PCSK4: variants seen among roughly 807,000 people sequenced by gnomAD.
The protein encoded by PCSK4 is proprotein convertase subtilisin/kexin type 4, also known as testicular tissue protein Li 135.
A neutral mutation model predicts 80.3 loss-of-function variants in PCSK4; 64 were observed. The ratio of observed to expected loss-of-function variants is 0.80; its 90% CI spans 0.65 to 0.98. PCSK4 has a LOEUF of 0.98. Among genes scored for constraint, PCSK4 ranks in the 50% least tolerant of loss-of-function variants. PCSK4 has a pLI of 0.00. For synonymous variants in PCSK4, 561 were observed against 487.6 expected, an observed-to-expected ratio of 1.15 and a Z score of -1.98; for missense variants, 1,213 against 1,093.6, an observed-to-expected ratio of 1.11 and a Z score of -1.54.
chr19:1,481,690 G>T, exon 15 of PCSK4: 1 of 1,132,442 alleles, frequency 8.8e-7, no homozygotes, highest in East Asian at 2.6e-5. Context: ...CCAGCCTGGG[G>T]AGGCAGCATG....
In PCSK4 at chr19:1,483,886, C is replaced by T. The variant is rs753079080; in HGVS notation, c.1225G>A (p.Ala409Thr). 53 of 1,493,166 alleles carry T rather than the reference C, an allele frequency of 3.5e-5. No individual in the cohort carries two copies. The African/African-American group carries it at 5.9e-4, about 16-fold the overall frequency. The allele number at this position is 1,493,166 out of a possible 1,614,324, so 92.5% of individuals were successfully genotyped here. ...CTCCAGTCCTCGGCCTGCAGGTGCGCCGGCTTGGACGCGCGGACCACCAGG... is the reference window on the plus strand; with the variant it reads ...CTCCAGTCCTCGGCCTGCAGGTGCGTCGGCTTGGACGCGCGGACCACCAGG... The change falls in exon 10 of 15, where the codon GCG becomes ACG. Residue 409 changes from alanine to threonine, a missense_variant. Coordinates refer to ENST00000300954, the Ensembl canonical transcript of PCSK4.
intron 11 of PCSK4, 57 bp downstream of exon 11, chr19:1,483,593 C>G (rs1340075765): frequency 4.8e-6 from 7 of 1,469,870 alleles, no homozygotes; most frequent in Non-Finnish European, 6.4e-6. Flanking sequence ...ACTGAGGCCT[C>G]AGGCCTGTCC....
chr19:1,484,458 A>G (rs1274831255), intron 8 of PCSK4, among the ~76,000 whole-genome samples: 2 of 151,240 alleles, frequency 1.3e-5, no homozygotes, highest in Non-Finnish European at 2.9e-5. Flanking sequence ...ACGCCACTGC[A>G]CTCCAGCCTG....
At chr19:1,487,474 G>T in intron 6 of PCSK4, 129 bp downstream of exon 6, 1 of 1,008,548 alleles carries the variant, frequency 9.9e-7, no homozygotes, top group Non-Finnish European at 1.5e-6. Context: ...CCCAAGCCCT[G>T]GAGTCTGGGG....
chr19:1,484,465 C>G lies in PCSK4; in HGVS notation c.1069-338G>C, dbSNP rs553496965. Among the ~76,000 whole-genome samples, 36 of 151,652 alleles carry G rather than the reference C, an allele frequency of 2.4e-4. 1 individual carries two copies. The East Asian group carries it at 6.6e-3, about 28-fold the overall frequency. On this transcript the variant is annotated intron_variant, in intron 8 of 14. Transcript: ENST00000300954. ...TCACACCCACGCCACTGCACTCCAGCCTGGGCAACAGAGCCAGACTCTGGA... is the reference window on the plus strand; with the variant it reads ...TCACACCCACGCCACTGCACTCCAGGCTGGGCAACAGAGCCAGACTCTGGA...
intron 2 of PCSK4, 71 bp from the exon 3 acceptor site, chr19:1,488,351 G>T: frequency 8.5e-7 from 1 of 1,176,144 alleles, no homozygotes; most frequent in Non-Finnish European, 1.2e-6. Flanking sequence ...CAGGGAGTGA[G>T]GCAGCCCCGT....
chr19:1,487,484 G>C, intron 6 of PCSK4, 119 bp downstream of exon 6: 5 of 1,036,802 alleles, frequency 4.8e-6, no homozygotes, highest in Non-Finnish European at 7.1e-6. Context: ...GGAGTCTGGG[G>C]CCCTAGCACC....
exon 7 of PCSK4, chr19:1,487,282 A>C: frequency 1.3e-6 from 2 of 1,599,818 alleles, no homozygotes; most frequent in Non-Finnish European, 1.7e-6. Flanking sequence ...CCTCGATGAC[A>C]TCGGTGATGG....
intron 8 of PCSK4, among the ~76,000 whole-genome samples, chr19:1,485,796 G>A (rs371338448): frequency 4.0e-5 from 6 of 151,768 alleles, no homozygotes; most frequent in South Asian, 2.1e-4. Context: ...GTGTGAACCC[G>A]GGAGGCGGAG....
At chr19:1,485,779 G>A (rs972391490) in intron 8 of PCSK4, among the ~76,000 whole-genome samples, 1 of 151,684 alleles carries the variant, frequency 6.6e-6, no homozygotes, top group African/African-American at 2.4e-5. Flanking sequence ...GCTGAGGAAG[G>A]AGAATGGTGT....
intron 13 of PCSK4, 150 bp downstream of exon 13, chr19:1,482,746 G>T: frequency 1.2e-6 from 1 of 854,208 alleles, no homozygotes; most frequent in Non-Finnish European, 1.8e-6. Context: ...ACCATCTCCC[G>T]GGTGACTGCA....
At position 1,486,895 on chromosome 19, in the gene PCSK4, G is replaced by A. The variant is rs2084647020; in HGVS notation, c.1026C>T (p.Leu342=). Residue 342 remains leucine (L), a synonymous_variant, in exon 8 of 15, where the codon CTC becomes CTT. Coordinates refer to ENST00000300954, the Ensembl canonical transcript of PCSK4. ...CCACGCCGCTGCTGTAGGTGGTGGT[G>A]AGGGTGGAGGCGCAGGCTTCGCTGT... 3 of 1,600,930 alleles carry A rather than the reference G, an allele frequency of 1.9e-6. No individual in the cohort carries two copies. The African/African-American group carries it at 4.0e-5, about 21-fold the overall frequency.
chr19:1,482,482 A>G lies in PCSK4; in HGVS notation c.1697-7T>C. ...GTGTAGCGGTACAACGTCCCTGGAC[A>G]GGGGTCGCGGGTGGGCACAGGAGGA... On this transcript the variant is annotated splice_polypyrimidine_tract_variant and splice_region_variant and intron_variant, in intron 13 of 14. Transcript: ENST00000300954. The G allele has an allele frequency of 6.3e-7, 1 of 1,598,056 alleles. No homozygotes were observed. Among genetic ancestry groups the G allele is most frequent in the Non-Finnish European group, 8.5e-7 (1 of 1,175,660 alleles).
intron 2 of PCSK4, among the ~76,000 whole-genome samples, chr19:1,489,221 TC>T (rs1338351428): frequency 6.8e-6 from 1 of 146,596 alleles, no homozygotes; most frequent in Non-Finnish European, 1.5e-5. Flanking sequence ...AAGCTCCGCC[TC>T]CCGGGTTCAC....
At position 1,484,140 on chromosome 19, in the gene PCSK4, G is replaced by T. The variant is rs769572700; in HGVS notation, c.1069-13C>A. 10 of 1,501,090 alleles carry T rather than the reference G, an allele frequency of 6.7e-6. No homozygotes were observed. The highest frequency in any genetic ancestry group is 2.4e-5 in the East Asian group (1 of 41,024). The allele number at this position is 1,501,090 out of a possible 1,614,324, so 93.0% of individuals were successfully genotyped here. ...GGTCCGTGGTGACCTGAGGGCAGAG[G>T]GGGGTGGGACTCGGGGGGCCGTGCA... is the stretch of plus-strand genomic sequence containing the variant. On this transcript the variant is annotated splice_polypyrimidine_tract_variant and intron_variant, in intron 8 of 14. Transcript: ENST00000300954.
At chr19:1,487,397 T>C in intron 6 of PCSK4, 84 bp from the exon 7 acceptor site, 1 of 955,848 alleles carries the variant, frequency 1.0e-6, no homozygotes, top group Non-Finnish European at 1.5e-6. Context: ...TCCACACCAC[T>C]CCCCAGCCCT....
At chr19:1,483,225 G>C (rs551130580) in intron 12 of PCSK4, 59 bp downstream of exon 12, 22 of 1,443,834 alleles carry the variant, frequency 1.5e-5, no homozygotes, top group Admixed American at 2.3e-5. Flanking sequence ...ACTCCGGGTA[G>C]ATGGCAGCGT....
intron 13 of PCSK4, 24 bp from the exon 14 acceptor site, chr19:1,482,499 A>G: frequency 6.3e-7 from 1 of 1,588,846 alleles, no homozygotes; most frequent in Non-Finnish European, 8.5e-7. Context: ...GCGGGTGGGC[A>G]CAGGAGGAAA....
chr19:1,481,737 G>C (rs777989832), exon 15 of PCSK4: 1 of 1,479,728 alleles, frequency 6.8e-7, no homozygotes, highest in Non-Finnish European at 9.0e-7. Context: ...CGGGGGCAAG[G>C]TCGCTTTCTG....
Sources: allele counts gnomAD v4.1 joint callset (sites outside exome capture counted in the v4.1 genomes callset), GRCh38; gene constraint gnomAD v4.1.1; transcripts MANE v1.5; gene names NCBI Gene and HGNC (gene_info 2026-07-23, HGNC 2026-07-21).